SLC44A1: variants seen among roughly 807,000 people sequenced by gnomAD.
The protein encoded by SLC44A1 is solute carrier family 44 member 1, also known as choline transporter-like protein 1.
In SLC44A1, 26 loss-of-function variants were observed where a neutral mutation model predicts 79.3. The observed-to-expected ratio is 0.33, with a 90% confidence interval of 0.24 to 0.46. The LOEUF (loss-of-function observed/expected upper bound fraction) is 0.46. SLC44A1 is among the 20% of genes least tolerant of loss of function. The pLI is 1.00. For missense variants in SLC44A1, 688 were observed against 798.1 expected, an observed-to-expected ratio of 0.86 and a Z score of 1.66; for synonymous variants, 263 against 286.2, an observed-to-expected ratio of 0.92 and a Z score of 0.82.
At chr9:105,414,949 AT>A (rs200109845) in intron 15 of SLC44A1, among the ~76,000 whole-genome samples, 9 of 151,646 alleles carry the variant, frequency 5.9e-5, no homozygotes, top group African/African-American at 9.7e-5. Context: ...AGAAAAGGAG[AT>A]TTTTTTTTCC....
intron 15 of SLC44A1, among the ~76,000 whole-genome samples, chr9:105,437,306 TATAG>T (rs751570884): frequency 4.6e-5 from 7 of 152,126 alleles, no homozygotes; most frequent in Non-Finnish European, 8.8e-5. Flanking sequence ...TATCTATATG[TATAG>T]ATAGATATCT....
intron 1 of SLC44A1, among the ~76,000 whole-genome samples, chr9:105,269,426 A>G (rs1830031600): frequency 6.6e-6 from 1 of 152,162 alleles, no homozygotes; most frequent in South Asian, 2.1e-4. Context: ...CCCCTGAAAT[A>G]TTACTAGAGT....
Position 105,391,125 on chromosome 9 carries a change from G to A in SLC44A1, c.*2069G>A, listed in dbSNP as rs1476229782. The A allele has an allele frequency of 2.0e-6, 2 of 985,528 alleles. No homozygotes were observed. The highest frequency in any genetic ancestry group is 1.2e-6 in the Non-Finnish European group (1 of 829,894). The allele number at this position is 985,528 out of a possible 1,614,324, so 61.0% of individuals were successfully genotyped here. On this transcript the variant is annotated 3_prime_UTR_variant, in exon 16 of 16. Coordinates refer to ENST00000374720, the MANE Select transcript of SLC44A1 (RefSeq NM_080546.5). ...AAAACAGAAGACATTCCAGGAGCTAGCAATTTTAAGAGGTGTCCCTCCAAA... is the reference window on the plus strand; with the variant it reads ...AAAACAGAAGACATTCCAGGAGCTAACAATTTTAAGAGGTGTCCCTCCAAA...
intron 10 of SLC44A1, among the ~76,000 whole-genome samples, 191 bp downstream of exon 10, chr9:105,364,911 T>C (rs1042855602): frequency 6.6e-6 from 1 of 152,234 alleles, no homozygotes; most frequent in South Asian, 2.1e-4. Flanking sequence ...ATTGTTGTTT[T>C]ATTCTTTATA....
At chr9:105,364,794 T>C in intron 10 of SLC44A1, 74 bp downstream of exon 10, 626 of 1,013,494 alleles carry the variant, frequency 6.2e-4, no homozygotes, top group Non-Finnish European at 8.6e-4. Context: ...GGGAAGGGAA[T>C]CAGACTGGGG....
chr9:105,344,732 G>A (rs1220622505), intron 4 of SLC44A1, among the ~76,000 whole-genome samples: 2 of 152,058 alleles, frequency 1.3e-5, no homozygotes, highest in Non-Finnish European at 2.9e-5. Context: ...CATTTCAAAG[G>A]CATAAGGTTC....
chr9:105,337,243 T>C (rs1351914076), intron 4 of SLC44A1, among the ~76,000 whole-genome samples: 1 of 152,100 alleles, frequency 6.6e-6, no homozygotes, highest in Non-Finnish European at 1.5e-5. Flanking sequence ...CGGAGTCCTA[T>C]TGTTTGGGTT....
intron 15 of SLC44A1, among the ~76,000 whole-genome samples, chr9:105,387,100 A>T (rs941886714): frequency 1.4e-5 from 2 of 138,592 alleles, no homozygotes; most frequent in African/African-American, 5.3e-5. Flanking sequence ...CATTTAATTA[A>T]GAGTAAAGGA....
At chr9:105,251,140 T>C (rs995292147) in intron 1 of SLC44A1, among the ~76,000 whole-genome samples, 3 of 152,190 alleles carry the variant, frequency 2.0e-5, no homozygotes, top group African/African-American at 7.2e-5. Context: ...GCATTTACAC[T>C]AGAATATTGT....
intron 4 of SLC44A1, among the ~76,000 whole-genome samples, chr9:105,346,299 A>G (rs1263548860): frequency 7.9e-5 from 12 of 152,150 alleles, no homozygotes; most frequent in Non-Finnish European, 1.8e-4. Context: ...ATTGAGTATT[A>G]TCCTGGGAAA....
intron 3 of SLC44A1, among the ~76,000 whole-genome samples, chr9:105,324,856 G>T (rs998014118): frequency 2.6e-5 from 4 of 152,224 alleles, no homozygotes; most frequent in Admixed American, 2.6e-4. Context: ...AGTTACAGAT[G>T]TTGGTGAGAA....
chr9:105,424,603 A>G (rs1184960107), intron 15 of SLC44A1, among the ~76,000 whole-genome samples: 2 of 152,204 alleles, frequency 1.3e-5, no homozygotes, highest in East Asian at 1.9e-4. Context: ...AACTTCAACT[A>G]TTATATCAAC....
intron 2 of SLC44A1, among the ~76,000 whole-genome samples, chr9:105,302,686 A>C (rs899937623): frequency 2.2e-4 from 34 of 152,054 alleles, no homozygotes; most frequent in African/African-American, 8.2e-4. Context: ...AAAAAAAAAA[A>C]AAAACCTAAT....
At chr9:105,256,741 T>TTTTTA (rs59529626) in intron 1 of SLC44A1, among the ~76,000 whole-genome samples, 41,793 of 130,726 alleles carry the variant, frequency 0.32, 7,861 homozygotes, top group South Asian at 0.41. Context: ...TTTTGTATTA[T>TTTTTA]TTTTATTTTA....
chr9:105,427,795 A>C (rs1055537638), intron 15 of SLC44A1, among the ~76,000 whole-genome samples: 12 of 152,176 alleles, frequency 7.9e-5, no homozygotes, highest in Non-Finnish European at 1.8e-4. Context: ...TTTGTACTAA[A>C]GTCTATGAAT....
intron 1 of SLC44A1, among the ~76,000 whole-genome samples, chr9:105,256,749 TTATTTTA>T (rs983532526): frequency 8.7e-6 from 1 of 115,222 alleles, no homozygotes; most frequent in African/African-American, 4.5e-5. Flanking sequence ...TATTTTTATT[TTATTTTA>T]TTTTATTTTA....
intron 2 of SLC44A1, among the ~76,000 whole-genome samples, chr9:105,303,566 C>T (rs1830936041): frequency 6.6e-6 from 1 of 152,196 alleles, no homozygotes; most frequent in South Asian, 2.1e-4. Flanking sequence ...AATTCCCACA[C>T]CTGCTCAAGG....
Position 105,313,750 on chromosome 9 carries a change from T to A in SLC44A1, c.269+3884T>A, listed in dbSNP as rs188026027. ...ATATATGTCAATTTTAGATAAAAAA[T>A]TATTATCATTATTATTATTATTATT... On this transcript the variant is annotated intron_variant, in intron 3 of 15. Coordinates refer to ENST00000374720, the MANE Select transcript of SLC44A1 (RefSeq NM_080546.5). 1.5e-3 allele frequency among the ~76,000 whole-genome samples: 231 copies of A among 152,042 alleles called. 1 individual carries two copies. Among genetic ancestry groups the A allele is most frequent in the Middle Eastern group, 3.4e-3 (1 of 294 alleles).
chr9:105,400,403 C>T (rs1022624329), downstream of SLC44A1, among the ~76,000 whole-genome samples: 7 of 151,556 alleles, frequency 4.6e-5, no homozygotes, highest in African/African-American at 9.7e-5. Context: ...GCAGGAGAAT[C>T]GCTTGAACCA....
Sources: gnomAD v4.1 joint callset for allele counts (sites outside exome capture counted in the v4.1 genomes callset) on GRCh38, gnomAD v4.1.1 for gene constraint, MANE v1.5 for transcripts, NCBI Gene and HGNC (gene_info 2026-07-23, HGNC 2026-07-21) for gene names.